MMP15: variants seen among roughly 807,000 people sequenced by gnomAD.
MMP15 encodes matrix metalloproteinase-15.
A neutral mutation model predicts 65.0 loss-of-function variants in MMP15; 36 were observed. That is an observed-to-expected ratio of 0.55 (90% CI 0.42 to 0.73). MMP15 has a LOEUF of 0.73. Ranked by LOEUF, MMP15 falls within the 30% of genes least tolerant of loss-of-function variation. The pLI is 0.00. For missense variants in MMP15, 870 were observed against 987.8 expected (o/e 0.88, Z 1.60); for synonymous variants, 428 against 410.2 (o/e 1.04, Z -0.52).
intron 1 of MMP15, among the ~76,000 whole-genome samples, chr16:58,035,422 C>G (rs1212623798): frequency 6.6e-6 from 1 of 152,196 alleles, no homozygotes; most frequent in Non-Finnish European, 1.5e-5. Flanking sequence ...GACCCATCAG[C>G]CTTCTTGGTC....
chr16:58,026,650 C>G (rs1963819798), intron 1 of MMP15, 138 bp downstream of exon 1: 3 of 991,632 alleles, frequency 3.0e-6, no homozygotes, highest in Non-Finnish European at 1.3e-6. Flanking sequence ...AGCAAGCGGA[C>G]TTGGCAGTCT....
chr16:58,041,934 C>A, intron 6 of MMP15, 64 bp downstream of exon 6: 1 of 1,505,402 alleles, frequency 6.6e-7, no homozygotes, highest in East Asian at 2.3e-5. Flanking sequence ...GCCCCCTGTC[C>A]CACCCTCACT....
rs1322000247 is a variant in MMP15, at chr16:58,042,380, G to A, written c.1303+11G>A. 2.5e-6 allele frequency: 4 copies of A among 1,613,798 alleles called. No individual in the cohort carries two copies. Among genetic ancestry groups the A allele is most frequent in the East Asian group, 4.5e-5 (2 of 44,902 alleles). Reference sequence around the variant, plus strand: ...TTGTCTTTTTCAAAGGTGAGCAGAGGTAGGGTTAGAGGGTTGGGCACGCCT... The same window carrying A: ...TTGTCTTTTTCAAAGGTGAGCAGAGATAGGGTTAGAGGGTTGGGCACGCCT... On this transcript the variant is annotated intron_variant, in intron 7 of 9. Coordinates refer to ENST00000219271, the MANE Select transcript of MMP15 (RefSeq NM_002428.4).
intron 2 of MMP15, 73 bp downstream of exon 2, chr16:58,037,693 A>T (rs1190848542): frequency 6.3e-7 from 1 of 1,588,794 alleles, no homozygotes; most frequent in South Asian, 1.1e-5. Flanking sequence ...AGGGCTCAGC[A>T]TGTGGAGTTT....
intron 2 of MMP15, 124 bp from the exon 3 acceptor site, chr16:58,038,142 C>T: frequency 7.7e-7 from 1 of 1,293,364 alleles, no homozygotes; most frequent in Non-Finnish European, 1.1e-6. Flanking sequence ...TGAGAGTCCC[C>T]CATCCCCACT....
intron 5 of MMP15, among the ~76,000 whole-genome samples, chr16:58,041,337 T>C (rs1186392421): frequency 6.6e-6 from 1 of 152,130 alleles, no homozygotes; most frequent in Non-Finnish European, 1.5e-5. Flanking sequence ...GAGCCTCTGC[T>C]GGAGCAGGCT....
intron 1 of MMP15, among the ~76,000 whole-genome samples, chr16:58,036,815 G>A (rs1959338644): frequency 6.6e-6 from 1 of 152,248 alleles, no homozygotes; most frequent in African/African-American, 2.4e-5. Flanking sequence ...CCTTGGCCTG[G>A]TAGGGGCCCA....
intron 1 of MMP15, 119 bp downstream of exon 1, chr16:58,026,631 T>C: frequency 8.8e-7 from 1 of 1,142,830 alleles, no homozygotes; most frequent in South Asian, 3.1e-5. Flanking sequence ...TTCTGGGCCG[T>C]GGCGGGGAAG....
At chr16:58,033,442 G>C (rs1320173971) in intron 1 of MMP15, among the ~76,000 whole-genome samples, 1 of 152,252 alleles carries the variant, frequency 6.6e-6, no homozygotes, top group Admixed American at 6.5e-5. Context: ...TGAGCATTCA[G>C]TGGGGGCTGG....
At chr16:58,034,857 C>T (rs888685618) in intron 1 of MMP15, among the ~76,000 whole-genome samples, 3 of 152,156 alleles carry the variant, frequency 2.0e-5, no homozygotes, top group African/African-American at 7.2e-5. Flanking sequence ...GCCCCTCTGC[C>T]GGTCTCTGGA....
At chr16:58,033,055 C>T (rs1407766052) in intron 1 of MMP15, among the ~76,000 whole-genome samples, 2 of 152,120 alleles carry the variant, frequency 1.3e-5, no homozygotes, top group African/African-American at 2.4e-5. Flanking sequence ...CCCTCCCCCA[C>T]CCCACTCCCA....
Position 58,037,580 on chromosome 16 carries a change from G to A in MMP15, c.271G>A (p.Gly91Arg), listed in dbSNP as rs201515111. 80 of 1,614,168 alleles carry A rather than the reference G, an allele frequency of 5.0e-5. No homozygotes were observed. Among genetic ancestry groups the A allele is most frequent in the African/African-American group, 6.7e-5 (5 of 75,034 alleles). ...SALAEMQRFY[G>R]IPVTGVLDEE... is the part of the protein sequence containing the mutation. ...CCTTGCAGAGATGCAGCGCTTCTAC[G>A]GGATCCCAGTCACCGGTGTGCTCGA... The change falls in exon 2 of 10, where the codon GGG becomes AGG. Residue 91 changes from glycine to arginine, a missense_variant. Transcript: ENST00000219271.
rs1187822490 is a variant in MMP15 at position 58,046,443 on chromosome 16, C to T, written c.*997C>T. 5 of 152,438 alleles carry T rather than the reference C, an allele frequency of 3.3e-5. No individual in the cohort carries two copies. Among genetic ancestry groups the T allele is most frequent in the East Asian group, 1.9e-4 (1 of 5,198 alleles). The allele number at this position is 152,438 out of a possible 1,614,324, so 9.4% of individuals were successfully genotyped here. ...CATGAGGGGTTCCTCCCCTCCAGCT[C>T]CCTGTGCCCCCAGGGTCCTGGGAGG... On this transcript the variant is annotated 3_prime_UTR_variant, in exon 10 of 10. Transcript: ENST00000219271.
intron 5 of MMP15, among the ~76,000 whole-genome samples, 197 bp from the exon 6 acceptor site, chr16:58,041,420 G>T (rs1011362175): frequency 5.9e-5 from 9 of 152,192 alleles, no homozygotes; most frequent in African/African-American, 1.9e-4. Context: ...CCCAAGGTCA[G>T]TGTGGGGAGA....
At chr16:58,040,886 C>A in intron 5 of MMP15, 188 bp downstream of exon 5, 1 of 875,586 alleles carries the variant, frequency 1.1e-6, no homozygotes, top group Non-Finnish European at 1.8e-6. Context: ...AGGCTGCCTC[C>A]AGGGCCTGGG....
At chr16:58,032,202 G>A (rs533205572) in intron 1 of MMP15, among the ~76,000 whole-genome samples, 3 of 152,272 alleles carry the variant, frequency 2.0e-5, no homozygotes, top group South Asian at 2.1e-4. Flanking sequence ...GGGTAGTTGC[G>A]CCATCGGCGC....
At chr16:58,040,957 C>G in intron 5 of MMP15, 1 of 562,760 alleles carries the variant, frequency 1.8e-6, no homozygotes, top group Non-Finnish European at 3.2e-6. Flanking sequence ...TCTTCATGAC[C>G]CTCCTCTCCT....
intron 1 of MMP15, among the ~76,000 whole-genome samples, chr16:58,027,687 T>C (rs1041188718): frequency 6.6e-6 from 1 of 152,054 alleles, no homozygotes; most frequent in Non-Finnish European, 1.5e-5. Context: ...CGCCCTACTT[T>C]AATAAAAGCA....
chr16:58,045,496 G>A lies in MMP15; in HGVS notation c.*50G>A. On this transcript the variant is annotated 3_prime_UTR_variant, in exon 10 of 10. Transcript: ENST00000219271. ...GCTCAGGGGGCGCCTGTGGTTCTGAGATGGCTCCCAGGGGCTCCCTCCGCC... is the reference window on the plus strand; with the variant it reads ...GCTCAGGGGGCGCCTGTGGTTCTGAAATGGCTCCCAGGGGCTCCCTCCGCC... The A allele has an allele frequency of 6.9e-7, 1 of 1,452,602 alleles. No individual in the cohort carries two copies. Among genetic ancestry groups the A allele is most frequent in the Non-Finnish European group, 9.1e-7 (1 of 1,098,854 alleles). The allele number at this position is 1,452,602 out of a possible 1,614,324, so 90.0% of individuals were successfully genotyped here.
Sources: gnomAD v4.1 joint callset for allele counts (sites outside exome capture counted in the v4.1 genomes callset) on GRCh38, gnomAD v4.1.1 for gene constraint, MANE v1.5 for transcripts, NCBI Gene and HGNC (gene_info 2026-07-23, HGNC 2026-07-21) for gene names.